NRXN3: variants seen among roughly 807,000 people sequenced by gnomAD.
The protein encoded by NRXN3 is neurexin III.
In NRXN3, 32 loss-of-function variants were observed where a neutral mutation model predicts 137.6. That is an observed-to-expected ratio of 0.23 (90% CI 0.18 to 0.31). NRXN3 has a LOEUF of 0.31. Ranked by LOEUF, NRXN3 falls within the 10% of genes least tolerant of loss-of-function variation. The pLI is 1.00. For missense variants in NRXN3, 1,574 were observed against 2,062.5 expected (o/e 0.76, Z 4.59); for synonymous variants, 798 against 784.5 (o/e 1.02, Z -0.29).
intron 15 of NRXN3, among the ~76,000 whole-genome samples, chr14:79,330,846 TCA>T (rs1399092474): frequency 6.6e-6 from 1 of 152,220 alleles, no homozygotes; most frequent in Non-Finnish European, 1.5e-5. Context: ...CCATGTCTAG[TCA>T]CAATGTTAGA....
intron 4 of NRXN3, among the ~76,000 whole-genome samples, chr14:78,392,922 T>G (rs2090966839): frequency 6.6e-6 from 1 of 152,152 alleles, no homozygotes; most frequent in Non-Finnish European, 1.5e-5. Flanking sequence ...ATAGATTTAC[T>G]GCAAGAATAA....
intron 16 of NRXN3, among the ~76,000 whole-genome samples, chr14:79,492,393 G>A (rs992258281): frequency 9.2e-5 from 14 of 151,758 alleles, no homozygotes; most frequent in Middle Eastern, 6.8e-3. Context: ...TTTGGTGGGC[G>A]GGGGATGGGG....
At chr14:78,471,051 A>G (rs960420607) in intron 4 of NRXN3, among the ~76,000 whole-genome samples, 42 of 152,248 alleles carry the variant, frequency 2.8e-4, no homozygotes, top group African/African-American at 9.4e-4. Context: ...CAAGGCCTTC[A>G]TTCTGAATGA....
intron 10 of NRXN3, among the ~76,000 whole-genome samples, chr14:78,851,961 A>G (rs2099043873): frequency 6.6e-6 from 1 of 152,146 alleles, no homozygotes; most frequent in Non-Finnish European, 1.5e-5. Context: ...ATAGACCTTT[A>G]TTTTATAGAA....
At chr14:79,764,763 G>A (rs1450527237) in intron 19 of NRXN3, among the ~76,000 whole-genome samples, 4 of 152,110 alleles carry the variant, frequency 2.6e-5, no homozygotes, top group African/African-American at 4.8e-5. Context: ...AATTAGCTAT[G>A]TGACTTTATC....
chr14:78,939,684 TG>T (rs1282503734), intron 10 of NRXN3, among the ~76,000 whole-genome samples: 1 of 148,784 alleles, frequency 6.7e-6, no homozygotes, highest in African/African-American at 2.4e-5. Flanking sequence ...GGGACCAAAA[TG>T]GATGTCACCA....
At chr14:78,246,377 G>GT (rs893313714) in intron 2 of NRXN3, among the ~76,000 whole-genome samples, 17 of 150,862 alleles carry the variant, frequency 1.1e-4, no homozygotes, top group Admixed American at 2.6e-4. Context: ...TTTAATAATT[G>GT]TTTTTTTTTC....
intron 3 of NRXN3, among the ~76,000 whole-genome samples, chr14:78,297,263 T>G (rs2076434388): frequency 6.6e-6 from 1 of 152,210 alleles, no homozygotes; most frequent in Admixed American, 6.5e-5. Flanking sequence ...AAACAGGAAC[T>G]TATTTGATAC....
intron 19 of NRXN3, among the ~76,000 whole-genome samples, chr14:79,780,056 C>T (rs2099109064): frequency 6.6e-6 from 1 of 151,948 alleles, no homozygotes; most frequent in Non-Finnish European, 1.5e-5. Flanking sequence ...TGTTATCTCT[C>T]TTTATAACAT....
At chr14:78,819,672 A>G (rs962374723) in intron 10 of NRXN3, among the ~76,000 whole-genome samples, 3 of 152,184 alleles carry the variant, frequency 2.0e-5, no homozygotes, top group Admixed American at 2.0e-4. Context: ...GGCCTGAGAA[A>G]TCCCTGAGCA....
chr14:79,791,527 TATA>T (rs1281710677), intron 19 of NRXN3, among the ~76,000 whole-genome samples: 19 of 119,462 alleles, frequency 1.6e-4, no homozygotes, highest in South Asian at 1.1e-3. Flanking sequence ...AATTATATAT[TATA>T]ATAATTATAA....
chr14:78,289,489 T>A (rs577227961), intron 3 of NRXN3, among the ~76,000 whole-genome samples: 1 of 152,308 alleles, frequency 6.6e-6, no homozygotes, highest in South Asian at 2.1e-4. Context: ...TTCTGGTAAT[T>A]ATCTCCTACA....
At chr14:79,424,684 C>G (rs2095628434) in intron 15 of NRXN3, among the ~76,000 whole-genome samples, 1 of 152,168 alleles carries the variant, frequency 6.6e-6, no homozygotes, top group Admixed American at 6.5e-5. Context: ...CTCAGAGCCT[C>G]TGAAGCAATA....
At chr14:79,383,762 A>C (rs2094532638) in intron 15 of NRXN3, among the ~76,000 whole-genome samples, 4 of 152,128 alleles carry the variant, frequency 2.6e-5, no homozygotes. Context: ...TCTCAAATGC[A>C]TGCTTCATTT....
Position 78,957,266 on chromosome 14 carries a change from C to T in NRXN3, c.2300C>T (p.Ala767Val). The T allele has an allele frequency of 6.2e-7, 1 of 1,613,984 alleles. No individual in the cohort carries two copies. The highest frequency in any genetic ancestry group is 1.7e-5 in the Admixed American group (1 of 60,000). ...NSSKGPETLY[A>V]GQKLNDNEWH... ...GGCAAAGGACCAGAGACCTTGTATG[C>T]AGGGCAGAAGCTCAATGACAACGAG... The change falls in exon 11 of 21, where the codon GCA becomes GTA. Residue 767 changes from alanine to valine, a missense_variant. Transcript: ENST00000335750.
chr14:79,396,751 C>A (rs773046656), intron 15 of NRXN3, among the ~76,000 whole-genome samples: 2 of 152,154 alleles, frequency 1.3e-5, no homozygotes, highest in Non-Finnish European at 2.9e-5. Context: ...AACCAAAGGT[C>A]AATATCAATG....
chr14:79,715,535 AAAGGG>A (rs2098820865), intron 19 of NRXN3, among the ~76,000 whole-genome samples: 1 of 152,188 alleles, frequency 6.6e-6, no homozygotes, highest in South Asian at 2.1e-4. Flanking sequence ...AGGGAATGGA[AAAGGG>A]AAGATTATTT....
intron 16 of NRXN3, among the ~76,000 whole-genome samples, chr14:79,646,716 C>T (rs57934289): frequency 0.097 from 12,528 of 128,946 alleles, 2,333 homozygotes; most frequent in African/African-American, 0.3. Flanking sequence ...GCTTCTGGTA[C>T]GTTACAGAAG....
chr14:79,758,519 C>A (rs919471573), intron 19 of NRXN3, among the ~76,000 whole-genome samples: 1 of 152,174 alleles, frequency 6.6e-6, no homozygotes, highest in Non-Finnish European at 1.5e-5. Flanking sequence ...CATGCGGGAT[C>A]TGCCCCATGA....
Sources: allele counts gnomAD v4.1 joint callset (sites outside exome capture counted in the v4.1 genomes callset), GRCh38; gene constraint gnomAD v4.1.1; transcripts MANE v1.5; gene names NCBI Gene and HGNC (gene_info 2026-07-23, HGNC 2026-07-21).